ANKRD26: variants seen among roughly 807,000 people sequenced by gnomAD.
The protein encoded by ANKRD26 is ankyrin repeat domain-containing protein 26.
In ANKRD26, 141 loss-of-function variants were observed where a neutral mutation model predicts 208.7. That is an observed-to-expected ratio of 0.68 (90% CI 0.59 to 0.78). The LOEUF is 0.78. Ranked by LOEUF, ANKRD26 falls within the 30% of genes least tolerant of loss-of-function variation. The pLI is 0.00. For missense variants in ANKRD26, 1,889 were observed against 1,938.7 expected, an observed-to-expected ratio of 0.97 and a Z score of 0.48; for synonymous variants, 636 against 660.4, an observed-to-expected ratio of 0.96 and a Z score of 0.57.
rs185048736 is a variant in ANKRD26 at position 26,997,824 on chromosome 10, C to T, written c.563-2677G>A. On this transcript the variant is annotated intron_variant, in intron 4 of 5. Transcript: ENST00000445828. ...TGCTTGATGCACTGCTTCCTTTCAA[C>T]CCCCACATCCTCACCACTTGTTTCT... Among the ~76,000 whole-genome samples, 95 of 152,258 alleles carry T rather than the reference C, an allele frequency of 6.2e-4. 1 individual carries two copies. Among genetic ancestry groups the T allele is most frequent in the Middle Eastern group, 3.4e-3 (1 of 294 alleles).
intron 30 of ANKRD26, among the ~76,000 whole-genome samples, chr10:27,016,718 C>A (rs1320860084): frequency 6.6e-6 from 1 of 151,966 alleles, no homozygotes; most frequent in Non-Finnish European, 1.5e-5. Flanking sequence ...GGTGGTTAAG[C>A]AAGTATATAC....
In ANKRD26 at chr10:27,037,916, T is replaced by C. The variant is rs774949687; in HGVS notation, c.2514A>G (p.Gln838=). 1 of 1,613,292 alleles carries C rather than the reference T, an allele frequency of 6.2e-7. No individual in the cohort carries two copies. Among genetic ancestry groups the C allele is most frequent in the African/African-American group, 1.3e-5 (1 of 75,054 alleles). Residue 838 remains glutamine (Q), a synonymous_variant, in exon 22 of 34, where the codon CAA becomes CAG. Transcript: ENST00000376087. The part of the protein sequence containing the change: ...EVKQQLELSL[Q]TLEMELRTVK... ...CAGTCCTCAATTCCATCTCCAGTGT[T>C]TGGAGACTCAGTTCAAGCTGTTGTT...
chr10:26,983,178 T>G (rs532372576), intron 3 of ANKRD26, among the ~76,000 whole-genome samples: 1 of 152,332 alleles, frequency 6.6e-6, no homozygotes, highest in African/African-American at 2.4e-5. Context: ...TTGGGTATTA[T>G]TTGTTAAGGC....
At chr10:27,010,075 T>C (rs762554937) in intron 32 of ANKRD26, among the ~76,000 whole-genome samples, 18 of 150,012 alleles carry the variant, frequency 1.2e-4, no homozygotes, top group Non-Finnish European at 2.2e-4. Flanking sequence ...ACCTGTCCTT[T>C]AGCCAGAGAG....
intron 9 of ANKRD26, among the ~76,000 whole-genome samples, chr10:27,074,450 G>C (rs1352819835): frequency 1.3e-5 from 2 of 152,232 alleles, no homozygotes; most frequent in Admixed American, 1.3e-4. Flanking sequence ...GGAGGCCAAG[G>C]TGGGTGGATC....
chr10:27,069,481 G>T (rs976805072), intron 9 of ANKRD26, among the ~76,000 whole-genome samples: 1 of 150,682 alleles, frequency 6.6e-6, no homozygotes, highest in African/African-American at 2.4e-5. Flanking sequence ...GTTTTTGGTG[G>T]TTTTTTTTTC....
intron 23 of ANKRD26, 44 bp downstream of exon 23, chr10:27,037,142 C>T: frequency 6.3e-7 from 1 of 1,589,636 alleles, no homozygotes; most frequent in Non-Finnish European, 8.6e-7. Context: ...CATATAAATA[C>T]ATATACACAC....
At chr10:26,982,729 G>A (rs1293276490) in exon 4 of ANKRD26, among the ~76,000 whole-genome samples, 2 of 152,192 alleles carry the variant, frequency 1.3e-5, no homozygotes, top group African/African-American at 2.4e-5. Context: ...TGCCTCCTCA[G>A]TTAGAGCACT....
At chr10:26,977,339 G>C (rs1021531422) in intron 5 of ANKRD26, among the ~76,000 whole-genome samples, 1 of 152,162 alleles carries the variant, frequency 6.6e-6, no homozygotes, top group South Asian at 2.1e-4. Flanking sequence ...TCTCAAAAAA[G>C]TGTTTGGAGC....
the ANKRD26 span, among the ~76,000 whole-genome samples, chr10:26,964,357 G>A: frequency 6.6e-6 from 1 of 152,096 alleles, no homozygotes; most frequent in Admixed American, 6.5e-5. Flanking sequence ...GGTTTCAGCA[G>A]GACAACACCA....
At chr10:26,948,845 A>T in the ANKRD26 span, among the ~76,000 whole-genome samples, 1 of 152,122 alleles carries the variant, frequency 6.6e-6, no homozygotes, top group Non-Finnish European at 1.5e-5. Flanking sequence ...CCCCAAAAAA[A>T]TTAGCTGGGC....
At chr10:27,014,142 A>G (rs1337990178) in intron 31 of ANKRD26, among the ~76,000 whole-genome samples, 1 of 152,204 alleles carries the variant, frequency 6.6e-6, no homozygotes, top group Non-Finnish European at 1.5e-5. Context: ...TCCAAAAAAC[A>G]GCCCAACTCA....
intron 32 of ANKRD26, among the ~76,000 whole-genome samples, chr10:27,009,778 T>A (rs2053027803): frequency 6.6e-6 from 1 of 152,214 alleles, no homozygotes; most frequent in African/African-American, 2.4e-5. Context: ...CTCCTTTCTC[T>A]GTGGACTTTG....
chr10:27,049,767 A>G (rs1392409436), intron 16 of ANKRD26, among the ~76,000 whole-genome samples: 1 of 152,250 alleles, frequency 6.6e-6, no homozygotes, highest in African/African-American at 2.4e-5. Flanking sequence ...GGCATTATCT[A>G]GCACTTTATG....
chr10:26,984,959 G>T (rs1255094730), intron 3 of ANKRD26, among the ~76,000 whole-genome samples: 1 of 152,110 alleles, frequency 6.6e-6, no homozygotes, highest in Non-Finnish European at 1.5e-5. Flanking sequence ...GAAAAACCTG[G>T]CCAGTAAAAT....
Position 27,077,521 on chromosome 10 carries a change from A to G in ANKRD26, c.894T>C (p.Thr298=), listed in dbSNP as rs1391386109. 2 of 1,613,960 alleles carry G rather than the reference A, an allele frequency of 1.2e-6. No individual in the cohort carries two copies. The highest frequency in any genetic ancestry group is 1.3e-5 in the African/African-American group (1 of 74,922). Residue 298 remains threonine (T), a synonymous_variant, in exon 9 of 34, where the codon ACT becomes ACC. Transcript: ENST00000376087. ...ACAAAGTTCTATTTCCTGTTCTCAC[A>G]GTGCCATATGTTGCTTCTACTACAG... is the stretch of plus-strand genomic sequence containing the variant. ...SRKNLEATYG[T]VRTGNRTLFE...
At chr10:26,969,824 T>C (rs1469111935), downstream of ANKRD26, among the ~76,000 whole-genome samples, 5 of 151,864 alleles carry the variant, frequency 3.3e-5, no homozygotes, top group Admixed American at 1.3e-4. Flanking sequence ...TTTTTTTTTT[T>C]TTTAATTTTT....
At chr10:27,093,186 G>A (rs768983382) in intron 3 of ANKRD26, among the ~76,000 whole-genome samples, 163 bp downstream of exon 3, 1 of 152,096 alleles carries the variant, frequency 6.6e-6, no homozygotes, top group Non-Finnish European at 1.5e-5. Flanking sequence ...TTCTTTAAAA[G>A]TATCAACATT....
intron 29 of ANKRD26, 76 bp downstream of exon 29, chr10:27,022,482 C>T: frequency 8.7e-7 from 1 of 1,154,438 alleles, no homozygotes; most frequent in African/African-American, 1.6e-5. Context: ...CTTTATTTCA[C>T]TGTTCAAAGC....
Sources: gnomAD v4.1 joint callset for allele counts (sites outside exome capture counted in the v4.1 genomes callset) on GRCh38, gnomAD v4.1.1 for gene constraint, MANE v1.5 for transcripts, NCBI Gene and HGNC (gene_info 2026-07-23, HGNC 2026-07-21) for gene names.